CNTNAP2: variants seen among roughly 807,000 people sequenced by gnomAD.
CNTNAP2 encodes contactin associated protein 2, also known as contactin-associated protein-like 2.
A neutral mutation model predicts 155.2 loss-of-function variants in CNTNAP2; 98 were observed. The ratio of observed to expected loss-of-function variants is 0.63; its 90% confidence interval spans 0.54 to 0.75. CNTNAP2 has a LOEUF of 0.75. CNTNAP2 is among the 30% of genes least tolerant of loss of function. The pLI is 0.00. For synonymous variants in CNTNAP2, 651 were observed against 631.2 expected (o/e 1.03, Z -0.47); for missense variants, 1,727 against 1,688.1 (o/e 1.02, Z -0.40).
chr7:148,024,429 A>G (rs1802342326), intron 15 of CNTNAP2, among the ~76,000 whole-genome samples: 1 of 152,194 alleles, frequency 6.6e-6, no homozygotes, highest in Admixed American at 6.5e-5. Context: ...GATACTGGAA[A>G]CACAGTGTCT....
At chr7:147,488,237 C>G (rs553839073) in intron 11 of CNTNAP2, among the ~76,000 whole-genome samples, 2 of 152,124 alleles carry the variant, frequency 1.3e-5, no homozygotes, top group Non-Finnish European at 1.5e-5. Context: ...TACATTTTTG[C>G]GAAATCAATG....
chr7:146,634,519 T>C (rs1308847371), intron 1 of CNTNAP2, among the ~76,000 whole-genome samples: 1 of 152,186 alleles, frequency 6.6e-6, no homozygotes, highest in Non-Finnish European at 1.5e-5. Context: ...TAGTGCTCTA[T>C]AAACAAATAA....
intron 10 of CNTNAP2, among the ~76,000 whole-genome samples, chr7:147,459,328 C>CA (rs1451883032): frequency 1.3e-5 from 2 of 152,160 alleles, no homozygotes; most frequent in Non-Finnish European, 2.9e-5. Context: ...CTTGTACCTC[C>CA]AGTTCTATGA....
At chr7:146,887,612 T>C (rs1450984097) in intron 3 of CNTNAP2, among the ~76,000 whole-genome samples, 1 of 152,166 alleles carries the variant, frequency 6.6e-6, no homozygotes, top group Admixed American at 6.6e-5. Context: ...AAAATTTCTT[T>C]CAGTAAGAAA....
rs773124124 is a variant in CNTNAP2 at position 146,362,766 on chromosome 7, CTTT to C, written c.97+245814_97+245816del. ...AATGATATTAAATATTCACACAGCACTTTTTTTTTTTTTTTTTTTTTTTGAGAC... is the reference window on the plus strand; with the variant it reads ...AATGATATTAAATATTCACACAGCACTTTTTTTTTTTTTTTTTTTTGAGAC... On this transcript the variant is annotated intron_variant, in intron 1 of 23. Transcript: ENST00000361727. Among the ~76,000 whole-genome samples the C allele has an allele frequency of 3.4e-3, 329 of 96,440 alleles. 1 individual carries two copies. Among genetic ancestry groups the C allele is most frequent in the African/African-American group, 0.011 (255 of 22,326 alleles). 63.3% of individuals were successfully genotyped at this position (96,440 alleles called of 152,430 possible).
chr7:147,717,388 G>T (rs549012255), intron 13 of CNTNAP2, among the ~76,000 whole-genome samples: 3 of 152,188 alleles, frequency 2.0e-5, no homozygotes, highest in African/African-American at 7.2e-5. Flanking sequence ...CAATTTACCA[G>T]CAGTATCCTC....
chr7:147,363,195 A>G (rs1796173133), intron 9 of CNTNAP2, among the ~76,000 whole-genome samples: 2 of 152,170 alleles, frequency 1.3e-5, no homozygotes, highest in African/African-American at 2.4e-5. Context: ...GCACTCCTAT[A>G]AAAAGAGAAG....
At chr7:148,226,613 C>G (rs1411044107) in intron 19 of CNTNAP2, among the ~76,000 whole-genome samples, 2 of 141,096 alleles carry the variant, frequency 1.4e-5, no homozygotes, top group East Asian at 2.0e-4. Flanking sequence ...TGACCTTCCT[C>G]TAGGAACACT....
chr7:146,220,285 T>G (rs802532), intron 1 of CNTNAP2, among the ~76,000 whole-genome samples: 106,226 of 147,090 alleles, frequency 0.72, 38,020 homozygotes, highest in East Asian at 0.94. Flanking sequence ...GGGGAATGCA[T>G]GCTAAAAAAA....
At chr7:148,071,056 C>T (rs1803370840) in intron 15 of CNTNAP2, among the ~76,000 whole-genome samples, 1 of 152,098 alleles carries the variant, frequency 6.6e-6, no homozygotes, top group African/African-American at 2.4e-5. Context: ...TATTTTCTAA[C>T]AATGTTTATC....
chr7:147,783,388 A>T (rs1797687301), intron 13 of CNTNAP2, among the ~76,000 whole-genome samples: 1 of 152,308 alleles, frequency 6.6e-6, no homozygotes, highest in Non-Finnish European at 1.5e-5. Context: ...AATTTAATAG[A>T]CTTACTACAG....
chr7:147,561,000 A>G (rs1800052086), intron 11 of CNTNAP2, among the ~76,000 whole-genome samples: 1 of 151,646 alleles, frequency 6.6e-6, no homozygotes, highest in Non-Finnish European at 1.5e-5. Context: ...TGGAGAAACA[A>G]GTTTTTCCAG....
chr7:146,350,088 T>C (rs1794889477), intron 1 of CNTNAP2, among the ~76,000 whole-genome samples: 1 of 152,188 alleles, frequency 6.6e-6, no homozygotes, highest in Admixed American at 6.5e-5. Context: ...CCATTCTCCG[T>C]GTCACTTTCA....
intron 1 of CNTNAP2, among the ~76,000 whole-genome samples, chr7:146,260,720 T>C (rs952825489): frequency 1.3e-5 from 2 of 152,216 alleles, no homozygotes; most frequent in Admixed American, 1.3e-4. Context: ...TTAGCTAACT[T>C]GTTTTTTATT....
chr7:147,538,501 C>A (rs893798706), intron 11 of CNTNAP2, among the ~76,000 whole-genome samples: 1 of 151,922 alleles, frequency 6.6e-6, no homozygotes, highest in African/African-American at 2.4e-5. Flanking sequence ...AAAATAAAAA[C>A]TTAGCCCATG....
chr7:146,150,244 T>G (rs1798017553), intron 1 of CNTNAP2, among the ~76,000 whole-genome samples: 1 of 152,090 alleles, frequency 6.6e-6, no homozygotes. Context: ...TTACAAAAGA[T>G]TAACAATACC....
At chr7:148,029,090 C>A (rs2116458943) in intron 15 of CNTNAP2, among the ~76,000 whole-genome samples, 1 of 100,650 alleles carries the variant, frequency 9.9e-6, no homozygotes, top group African/African-American at 4.5e-5. Context: ...ATCTGGATAT[C>A]CTTTTGGGCA....
chr7:147,775,766 A>G (rs1432960386), intron 13 of CNTNAP2, among the ~76,000 whole-genome samples: 2 of 152,108 alleles, frequency 1.3e-5, no homozygotes, highest in Non-Finnish European at 2.9e-5. Context: ...GCACTATTAG[A>G]ACATGTGCAT....
At chr7:147,257,958 T>C (rs1804369157) in intron 8 of CNTNAP2, among the ~76,000 whole-genome samples, 1 of 152,206 alleles carries the variant, frequency 6.6e-6, no homozygotes, top group Non-Finnish European at 1.5e-5. Context: ...ATTTGTTTGA[T>C]TAAAATGAGT....
Sources: allele counts gnomAD v4.1 joint callset (sites outside exome capture counted in the v4.1 genomes callset), GRCh38; gene constraint gnomAD v4.1.1; transcripts MANE v1.5; gene names NCBI Gene and HGNC (gene_info 2026-07-23, HGNC 2026-07-21).